The following UBE2Q2 variants were observed in gnomAD, a reference collection of about 807,000 sequenced individuals.
UBE2Q2 encodes ubiquitin-conjugating enzyme E2 Q2.
UBE2Q2 carries 54 observed loss-of-function variants against 59.9 expected under a neutral mutation model. That is an observed-to-expected ratio of 0.90 (90% CI 0.72 to 1.13). UBE2Q2 has a LOEUF of 1.13. UBE2Q2 is among the 50% of genes most tolerant of loss of function. The pLI is 0.00. For synonymous variants in UBE2Q2, 165 were observed against 155.2 expected (o/e 1.06, Z -0.47); for missense variants, 433 against 441.9 (o/e 0.98, Z 0.18).
chr15:75,852,957 A>T (rs974787654), intron 1 of UBE2Q2, among the ~76,000 whole-genome samples: 1 of 152,228 alleles, frequency 6.6e-6, no homozygotes, highest in African/African-American at 2.4e-5. Context: ...TATAAATCAG[A>T]TTATAGTTCT....
At chr15:75,892,279 A>G (rs1299018652) in intron 11 of UBE2Q2, among the ~76,000 whole-genome samples, 2 of 152,198 alleles carry the variant, frequency 1.3e-5, no homozygotes, top group Non-Finnish European at 2.9e-5. Flanking sequence ...TAGGATTCCC[A>G]AAGATTAAAA....
intron 4 of UBE2Q2, among the ~76,000 whole-genome samples, chr15:75,870,478 A>G (rs1488824222): frequency 6.6e-6 from 1 of 152,244 alleles, no homozygotes; most frequent in Non-Finnish European, 1.5e-5. Context: ...AATAAACTGC[A>G]TGAAAACATT....
chr15:75,846,331 A>T (rs980337387), intron 1 of UBE2Q2, among the ~76,000 whole-genome samples: 49 of 152,216 alleles, frequency 3.2e-4, no homozygotes, highest in Middle Eastern at 3.4e-3. Flanking sequence ...TCCGCCTCCC[A>T]GGTTCAAGCA....
intron 12 of UBE2Q2, 76 bp from the exon 13 acceptor site, chr15:75,899,351 G>A: frequency 3.0e-6 from 3 of 996,820 alleles, no homozygotes; most frequent in East Asian, 3.3e-5. Flanking sequence ...AGAGACTGTA[G>A]CTAACCTTAT....
intron 1 of UBE2Q2, among the ~76,000 whole-genome samples, chr15:75,853,428 G>A (rs1223909159): frequency 6.8e-6 from 1 of 147,698 alleles, no homozygotes; most frequent in Non-Finnish European, 1.5e-5. Context: ...CCGAGATTGT[G>A]CCATGCACTC....
intron 12 of UBE2Q2, 24 bp from the exon 13 acceptor site, chr15:75,899,388 AAGAATTATTTTAACT>A (rs779034816): frequency 1.4e-5 from 21 of 1,487,776 alleles, no homozygotes; most frequent in African/African-American, 2.9e-5. Context: ...TAATTTATTT[AAGAATTATTTTAACT>A]TTTTTTTTTT....
chr15:75,856,245 ACG>A (rs1491228026), intron 2 of UBE2Q2, among the ~76,000 whole-genome samples: 21 of 105,186 alleles, frequency 2.0e-4, no homozygotes, highest in Non-Finnish European at 3.2e-4. Flanking sequence ...ATGTGTATAT[ACG>A]TGTGTGTGTG....
In UBE2Q2 at chr15:75,897,030, T is replaced by C; in HGVS notation, c.1065T>C (p.Tyr355=). 2 of 1,574,392 alleles carry C rather than the reference T, an allele frequency of 1.3e-6. No homozygotes were observed. Among genetic ancestry groups the C allele is most frequent in the South Asian group, 1.2e-5 (1 of 84,662 alleles). ...ATCTAGCAAGAGCCCAACAATCCTA[T>C]AATTCCATTGTACAGATACATGAGA... The part of the protein sequence containing the change: ...QYNLARAQQS[Y]NSIVQIHEKN... The change falls in exon 12 of 13, where the codon TAT becomes TAC. Residue 355 remains tyrosine, a synonymous_variant. Transcript: ENST00000267938.
At chr15:75,863,853 G>C (rs897449994) in intron 3 of UBE2Q2, among the ~76,000 whole-genome samples, 8 of 152,002 alleles carry the variant, frequency 5.3e-5, no homozygotes, top group Admixed American at 5.2e-4. Context: ...TGTTGGCCAG[G>C]CTGGTCTCGA....
chr15:75,871,733 T>C (rs1897806391), intron 4 of UBE2Q2, among the ~76,000 whole-genome samples: 1 of 152,226 alleles, frequency 6.6e-6, no homozygotes, highest in Non-Finnish European at 1.5e-5. Context: ...AGAAGAATTT[T>C]TCTTAGTACA....
chr15:75,898,573 A>G (rs1446798576), intron 12 of UBE2Q2, among the ~76,000 whole-genome samples: 4 of 152,186 alleles, frequency 2.6e-5, no homozygotes, highest in African/African-American at 9.7e-5. Flanking sequence ...TATAGTCACC[A>G]TGTTGTACAA....
At chr15:75,855,876 A>G (rs180953955) in intron 2 of UBE2Q2, among the ~76,000 whole-genome samples, 2 of 152,292 alleles carry the variant, frequency 1.3e-5, no homozygotes, top group Admixed American at 6.5e-5. Context: ...ACTTATCGCC[A>G]TGTCTTCATA....
intron 8 of UBE2Q2, 71 bp from the exon 9 acceptor site, chr15:75,883,295 T>A (rs1898547424): frequency 1.5e-6 from 2 of 1,379,002 alleles, no homozygotes; most frequent in Non-Finnish European, 2.0e-6. Flanking sequence ...TAGTATCTTT[T>A]AAAATCTTCT....
chr15:75,874,087 C>T (rs1035108618), intron 5 of UBE2Q2, among the ~76,000 whole-genome samples: 10 of 152,084 alleles, frequency 6.6e-5, no homozygotes, highest in African/African-American at 1.9e-4. Context: ...CCTGGAACCA[C>T]CTGCTGATCC....
Position 75,877,947 on chromosome 15 carries a change from C to G in UBE2Q2, c.674-14C>G, listed in dbSNP as rs753034134. 6.2e-6 allele frequency: 10 copies of G among 1,610,114 alleles called. No homozygotes were observed. Among genetic ancestry groups the G allele is most frequent in the Middle Eastern group, 1.7e-4 (1 of 6,040 alleles). ...TGAAATGAAGAGTAGCTAACATGCT[C>G]TATATCTTAACAGGGATTTATTCAG... On this transcript the variant is annotated splice_polypyrimidine_tract_variant and intron_variant, in intron 6 of 12. Transcript: ENST00000267938.
chr15:75,845,569 G>A (rs548318891), intron 1 of UBE2Q2, among the ~76,000 whole-genome samples: 1 of 152,236 alleles, frequency 6.6e-6, no homozygotes, highest in Non-Finnish European at 1.5e-5. Context: ...GAGCTACTAA[G>A]TTTACTCAGG....
At chr15:75,853,865 T>G (rs1180672649) in intron 1 of UBE2Q2, among the ~76,000 whole-genome samples, 1 of 152,162 alleles carries the variant, frequency 6.6e-6, no homozygotes, top group Non-Finnish European at 1.5e-5. Context: ...CGTTTCTGGA[T>G]GGCTGTTGGT....
chr15:75,883,742 G>A (rs1397542759), intron 9 of UBE2Q2, among the ~76,000 whole-genome samples: 1 of 152,020 alleles, frequency 6.6e-6, no homozygotes, highest in Non-Finnish European at 1.5e-5. Context: ...AGTTGATGCT[G>A]TTGTTCTGGG....
rs571895320 is a variant in UBE2Q2, at chr15:75,851,345, C to CT, written c.181-3038dup. On this transcript the variant is annotated intron_variant, in intron 1 of 12. Coordinates refer to ENST00000267938, the MANE Select transcript of UBE2Q2 (RefSeq NM_173469.4). ...CTATCAAAACTTGGTCTTTCTTGAA[C>CT]TTTGGATCTTTTACCCTTGTATGAT... is the stretch of plus-strand genomic sequence containing the variant. Among the ~76,000 whole-genome samples the CT allele has an allele frequency of 8.5e-4, 129 of 151,684 alleles. 3 individuals carry two copies. In the South Asian group the frequency reaches 0.026, roughly 30 times the overall value.
Sources: allele counts gnomAD v4.1 joint callset (sites outside exome capture counted in the v4.1 genomes callset), GRCh38; gene constraint gnomAD v4.1.1; transcripts MANE v1.5; gene names NCBI Gene and HGNC (gene_info 2026-07-23, HGNC 2026-07-21).